The following CNTN4 variants were observed in gnomAD, a reference collection of about 807,000 sequenced individuals.
CNTN4 encodes contactin 4.
A neutral mutation model predicts 122.5 loss-of-function variants in CNTN4; 77 were observed. That is an observed-to-expected ratio of 0.63 (90% CI 0.52 to 0.76). The LOEUF is 0.76. Ranked by LOEUF, CNTN4 falls within the 30% of genes least tolerant of loss-of-function variation. CNTN4 has a pLI of 0.00. For synonymous variants in CNTN4, 512 were observed against 447.0 expected, an observed-to-expected ratio of 1.15 and a Z score of -1.83; for missense variants, 1,256 against 1,259.1, an observed-to-expected ratio of 1.00 and a Z score of 0.04.
intron 2 of CNTN4, among the ~76,000 whole-genome samples, chr3:2,200,092 G>A (rs936860247): frequency 2.5e-4 from 38 of 152,118 alleles, no homozygotes; most frequent in Admixed American, 1.8e-3. Flanking sequence ...TACCCCTGCA[G>A]TATGTAAAGA....
At chr3:2,701,623 T>C (rs1022188036) in intron 4 of CNTN4, among the ~76,000 whole-genome samples, 4 of 152,088 alleles carry the variant, frequency 2.6e-5, no homozygotes, top group Admixed American at 6.6e-5. Context: ...CACAAATGCT[T>C]CATAGGGCTA....
Position 2,953,535 on chromosome 3 carries a change from G to A in CNTN4, c.1358+27756G>A, listed in dbSNP as rs549212228. Among the ~76,000 whole-genome samples the A allele has an allele frequency of 2.1e-3, 321 of 151,822 alleles. 1 individual carries two copies. Among genetic ancestry groups the A allele is most frequent in the Non-Finnish European group, 3.7e-3 (251 of 67,928 alleles). ...AACTGACCCGGGGCACAGTTTTTGGGCCTTTTTTGTATATGTCCCTTCTTC... is the reference window on the plus strand; with the variant it reads ...AACTGACCCGGGGCACAGTTTTTGGACCTTTTTTGTATATGTCCCTTCTTC... On this transcript the variant is annotated intron_variant, in intron 13 of 24. Coordinates refer to ENST00000418658, the MANE Select transcript of CNTN4 (RefSeq NM_175607.3).
intron 13 of CNTN4, among the ~76,000 whole-genome samples, chr3:2,943,630 A>ATATATTTT (rs1553702084): frequency 7.8e-6 from 1 of 128,264 alleles, no homozygotes; most frequent in African/African-American, 3.0e-5. Flanking sequence ...ATATATATAT[A>ATATATTTT]TTTTTTTTTT....
At chr3:2,534,118 C>A (rs568078340) in intron 3 of CNTN4, among the ~76,000 whole-genome samples, 1 of 152,256 alleles carries the variant, frequency 6.6e-6, no homozygotes, top group South Asian at 2.1e-4. Flanking sequence ...AATTAGATCC[C>A]ATTTGCCAAT....
chr3:2,197,631 T>C (rs2149371218), intron 2 of CNTN4, among the ~76,000 whole-genome samples: 1 of 152,310 alleles, frequency 6.6e-6, no homozygotes. Context: ...TTTTCTGGCA[T>C]AAATTTTCTG....
At chr3:2,662,190 G>C (rs2083930464) in intron 4 of CNTN4, among the ~76,000 whole-genome samples, 2 of 152,188 alleles carry the variant, frequency 1.3e-5, no homozygotes, top group Non-Finnish European at 2.9e-5. Context: ...CAAAAATAGG[G>C]GATGTGGAGC....
At chr3:2,671,574 CCTT>C (rs2084516307) in intron 4 of CNTN4, among the ~76,000 whole-genome samples, 1 of 152,100 alleles carries the variant, frequency 6.6e-6, no homozygotes, top group Admixed American at 6.5e-5. Context: ...TCATCTGAAG[CCTT>C]CTTCTCTCAA....
chr3:2,314,982 G>C (rs764804690), intron 2 of CNTN4, among the ~76,000 whole-genome samples: 3 of 151,914 alleles, frequency 2.0e-5, no homozygotes, highest in African/African-American at 4.8e-5. Context: ...AATGCCCACT[G>C]TTTCAGAGGT....
intron 2 of CNTN4, among the ~76,000 whole-genome samples, chr3:2,323,861 T>C (rs1233814258): frequency 6.6e-6 from 1 of 152,198 alleles, no homozygotes; most frequent in Non-Finnish European, 1.5e-5. Flanking sequence ...GGCTCTATAA[T>C]ATGCTTGTGT....
chr3:2,816,363 A>T (rs902363959), intron 6 of CNTN4, among the ~76,000 whole-genome samples: 1 of 151,148 alleles, frequency 6.6e-6, no homozygotes, highest in Non-Finnish European at 1.5e-5. Flanking sequence ...CAAAAAAAAT[A>T]AAAAAAATAA....
At chr3:2,552,681 CAA>C (rs1207705280) in intron 3 of CNTN4, among the ~76,000 whole-genome samples, 1 of 152,060 alleles carries the variant, frequency 6.6e-6, no homozygotes, top group African/African-American at 2.4e-5. Flanking sequence ...AGCTGGGTAT[CAA>C]AGAGAGGAGA....
At chr3:2,156,494 G>A (rs1370863725) in intron 2 of CNTN4, among the ~76,000 whole-genome samples, 2 of 152,140 alleles carry the variant, frequency 1.3e-5, no homozygotes, top group Non-Finnish European at 2.9e-5. Context: ...TCCCTGGTGT[G>A]GATGTCCTCG....
chr3:2,809,283 G>A (rs181089781), intron 6 of CNTN4, among the ~76,000 whole-genome samples: 61 of 152,298 alleles, frequency 4.0e-4, no homozygotes, highest in Admixed American at 2.0e-3. Flanking sequence ...GGTCATTTGA[G>A]TTGGTTCCTA....
At chr3:2,895,217 C>A (rs1384286624) in intron 10 of CNTN4, among the ~76,000 whole-genome samples, 2 of 152,156 alleles carry the variant, frequency 1.3e-5, no homozygotes. Flanking sequence ...CTCAGATGAT[C>A]CACCTGCCTC....
At chr3:2,685,728 T>C (rs954046848) in intron 4 of CNTN4, among the ~76,000 whole-genome samples, 3 of 152,202 alleles carry the variant, frequency 2.0e-5, no homozygotes, top group East Asian at 1.9e-4. Flanking sequence ...ATGACACTTA[T>C]CTGTTTTTCC....
chr3:2,145,773 G>A (rs57350462), intron 2 of CNTN4, among the ~76,000 whole-genome samples: 2,186 of 151,114 alleles, frequency 0.014, 57 homozygotes, highest in African/African-American at 0.05. Flanking sequence ...AGCACTTTAC[G>A]TAGGGTTTCT....
At chr3:2,746,404 T>C (rs1407255034) in intron 6 of CNTN4, among the ~76,000 whole-genome samples, 2 of 152,118 alleles carry the variant, frequency 1.3e-5, no homozygotes, top group East Asian at 3.9e-4. Context: ...AGTCCATGAA[T>C]ATATGAAAGA....
rs906376750 is a variant in CNTN4, at chr3:2,237,376, G to C, written c.-144-101802G>C. On this transcript the variant is annotated intron_variant, in intron 2 of 24. Coordinates refer to ENST00000418658, the MANE Select transcript of CNTN4 (RefSeq NM_175607.3). The stretch of plus-strand genomic sequence containing the variant: ...TGTAGTCCCAGAAACTCCAGAGGCT[G>C]AAGCAGTAGGATCGCTTGAGGCCAA... Among the ~76,000 whole-genome samples the C allele has an allele frequency of 4.6e-5, 7 of 152,252 alleles. No individual in the cohort carries two copies. In the East Asian group the frequency reaches 1.4e-3, roughly 29 times the overall value.
intron 3 of CNTN4, among the ~76,000 whole-genome samples, chr3:2,488,417 T>C (rs945298026): frequency 1.3e-5 from 2 of 152,074 alleles, no homozygotes; most frequent in Non-Finnish European, 1.5e-5. Flanking sequence ...TTTGGTAAAT[T>C]GGTGTGTCTA....
Sources: gnomAD v4.1 joint callset for allele counts (sites outside exome capture counted in the v4.1 genomes callset) on GRCh38, gnomAD v4.1.1 for gene constraint, MANE v1.5 for transcripts, NCBI Gene and HGNC (gene_info 2026-07-23, HGNC 2026-07-21) for gene names.